SEPTIN9: variants seen among roughly 807,000 people sequenced by gnomAD.
The protein encoded by SEPTIN9 is septin-9.
In SEPTIN9, 13 loss-of-function variants were observed where a neutral mutation model predicts 56.6. The ratio of observed to expected loss-of-function variants is 0.23; its 90% CI spans 0.15 to 0.37. The LOEUF (loss-of-function observed/expected upper bound fraction) is 0.37. Ranked by LOEUF, SEPTIN9 falls within the 10% of genes least tolerant of loss-of-function variation. The pLI is 1.00. For missense variants in SEPTIN9, 650 were observed against 823.1 expected, an observed-to-expected ratio of 0.79 and a Z score of 2.57; for synonymous variants, 332 against 334.1, an observed-to-expected ratio of 0.99 and a Z score of 0.07.
intron 3 of SEPTIN9, among the ~76,000 whole-genome samples, chr17:77,455,720 C>A (rs1367988501): frequency 6.6e-6 from 1 of 152,220 alleles, no homozygotes; most frequent in East Asian, 1.9e-4. Flanking sequence ...TGTGTCTTGT[C>A]GATCCACGTC....
intron 3 of SEPTIN9, among the ~76,000 whole-genome samples, chr17:77,422,992 C>A (rs1455392481): frequency 1.3e-5 from 2 of 152,154 alleles, no homozygotes; most frequent in African/African-American, 4.8e-5. Flanking sequence ...TAAATGCCAA[C>A]ATCAGGGATC....
chr17:77,350,610 A>AGTGTGT (rs57851361), intron 2 of SEPTIN9, among the ~76,000 whole-genome samples: 8,092 of 149,466 alleles, frequency 0.054, 347 homozygotes, highest in East Asian at 0.17. Context: ...CCTCCAGTGC[A>AGTGTGT]GTGTGTGTGT....
chr17:77,475,508 G>C lies in SEPTIN9; in HGVS notation c.722-6636G>C. ...GAGCATCTGTTAGTTTATAGGACCT[G>C]AAGTGCCCCCATGGGCTCAAGTTTC... On this transcript the variant is annotated intron_variant, in intron 3 of 11. Coordinates refer to ENST00000427177, the MANE Select transcript of SEPTIN9 (RefSeq NM_001113491.2). The surrounding 1 kb of genome is among the most constrained non-coding windows in gnomAD (Gnocchi z 4.6). The C allele has an allele frequency of 1.9e-6, 3 of 1,609,498 alleles. No individual in the cohort carries two copies. The South Asian group carries it at 3.3e-5, about 18-fold the overall frequency.
rs756279358 is a variant in SEPTIN9, at chr17:77,437,966, C to T, written c.721+35263C>T. Among the ~76,000 whole-genome samples the T allele has an allele frequency of 3.9e-5, 6 of 152,310 alleles. No homozygotes were observed. Among genetic ancestry groups the T allele is most frequent in the East Asian group, 1.9e-4 (1 of 5,174 alleles). On this transcript the variant is annotated intron_variant, in intron 3 of 11. Transcript: ENST00000427177. This position sits in a 1 kb window ranked among gnomAD's most constrained non-coding sequence, Gnocchi z 5.3. ...CCCTGCACTGTGCACCCATTGAAGG[C>T]GGCATCATCCGGGCCTCTCCGGTGG...
intron 3 of SEPTIN9, among the ~76,000 whole-genome samples, chr17:77,461,036 G>A (rs1391849092): frequency 1.3e-5 from 2 of 152,156 alleles, no homozygotes; most frequent in Admixed American, 6.5e-5. Flanking sequence ...TGGGCTTGGT[G>A]GCTCACACCT....
chr17:77,394,902 T>G (rs1192937072), intron 2 of SEPTIN9, among the ~76,000 whole-genome samples: 1 of 152,200 alleles, frequency 6.6e-6, no homozygotes, highest in Non-Finnish European at 1.5e-5. Context: ...GGTGGCCCAC[T>G]GTGGCCTCTT....
At chr17:77,407,331 G>A (rs575035961) in intron 3 of SEPTIN9, among the ~76,000 whole-genome samples, 23 of 147,590 alleles carry the variant, frequency 1.6e-4, no homozygotes, top group African/African-American at 5.2e-4. Context: ...CCAAGTAAGT[G>A]ACTTGGACAT....
intron 1 of SEPTIN9, among the ~76,000 whole-genome samples, chr17:77,291,496 G>A (rs2031552773): frequency 1.3e-5 from 2 of 152,010 alleles, no homozygotes; most frequent in Admixed American, 6.5e-5. Context: ...GCTGGGCATG[G>A]TGGCACATGC....
At chr17:77,352,109 C>T (rs1235456269) in intron 2 of SEPTIN9, among the ~76,000 whole-genome samples, 1 of 152,134 alleles carries the variant, frequency 6.6e-6, no homozygotes, top group Admixed American at 6.5e-5. Context: ...TCAAAACATC[C>T]GAAATCGGCC....
rs72887167 is a variant in SEPTIN9 at position 77,467,416 on chromosome 17, C to G, written c.722-14728C>G. On this transcript the variant is annotated intron_variant, in intron 3 of 11. Transcript: ENST00000427177. The stretch of plus-strand genomic sequence containing the variant: ...TGTCTTCTGTGTTCCTGGGAGAGAC[C>G]CCAGGGGCCCTGAGCCCAGCACTGG... Among the ~76,000 whole-genome samples, 1,081 of 152,186 alleles carry G rather than the reference C, an allele frequency of 7.1e-3. 6 individuals are homozygous for G. The highest frequency in any genetic ancestry group is 0.012 in the South Asian group (59 of 4,828).
Position 77,325,066 on chromosome 17 carries a change from G to A in SEPTIN9, c.76+17869G>A, listed in dbSNP as rs112286123. On this transcript the variant is annotated intron_variant, in intron 2 of 11. Transcript: ENST00000427177. Reference sequence around the variant, plus strand: ...ACTCCTGACCTCAAGTAATCCACCCGTCTCGGCCTCCCAAAGTGCCGGAGT... The same window carrying A: ...ACTCCTGACCTCAAGTAATCCACCCATCTCGGCCTCCCAAAGTGCCGGAGT... 1.3e-3 allele frequency among the ~76,000 whole-genome samples: 194 copies of A among 152,202 alleles called. 6 individuals carry two copies. In the South Asian group the frequency reaches 0.028, roughly 22 times the overall value.
In SEPTIN9 at chr17:77,327,346, G is replaced by A. The variant is rs946301765; in HGVS notation, c.76+20149G>A. Among the ~76,000 whole-genome samples, 1 of 152,146 alleles carries A rather than the reference G, an allele frequency of 6.6e-6. No individual in the cohort carries two copies. The highest frequency in any genetic ancestry group is 1.5e-5 in the Non-Finnish European group (1 of 68,026). ...CTCTGGGCACCCCCCCACTCCGAAC[G>A]GCCAGAGCTTCTGAAGCCGCTCGCT... On this transcript the variant is annotated intron_variant, in intron 2 of 11. Transcript: ENST00000427177. This position sits in a 1 kb window ranked among gnomAD's most constrained non-coding sequence, Gnocchi z 5.0.
At chr17:77,286,828 A>C (rs983289663) in intron 1 of SEPTIN9, among the ~76,000 whole-genome samples, 9 of 152,194 alleles carry the variant, frequency 5.9e-5, no homozygotes, top group Non-Finnish European at 1.5e-5. Flanking sequence ...GGGCAGATCC[A>C]GCTGGCTTTA....
At chr17:77,394,213 C>A (rs1002413753) in intron 2 of SEPTIN9, among the ~76,000 whole-genome samples, 3 of 152,176 alleles carry the variant, frequency 2.0e-5, no homozygotes, top group African/African-American at 7.2e-5. Context: ...AGATCAGGGA[C>A]CTGTGCCAAG....
intron 3 of SEPTIN9, among the ~76,000 whole-genome samples, chr17:77,431,470 A>G (rs946840477): frequency 3.3e-5 from 5 of 152,208 alleles, no homozygotes; most frequent in Admixed American, 2.6e-4. Context: ...GTTTCCTTCT[A>G]GTCTTTTTCT....
rs2040443836 is a variant in SEPTIN9 at position 77,500,212 on chromosome 17, ACTCC to A, written c.*1560_*1563del. 2 of 231,196 alleles carry A rather than the reference ACTCC, an allele frequency of 8.7e-6. No individual in the cohort carries two copies. The highest frequency in any genetic ancestry group is 4.5e-5 in the African/African-American group (2 of 44,774). 14.3% of individuals were successfully genotyped at this position (231,196 alleles called of 1,614,324 possible). Reference sequence around the variant, plus strand: ...TGGAAGTTGGGGCACTGGGCGTCTGACTCCCTCCCCACCCAAGAGAGGAAGGACC... The same window carrying A: ...TGGAAGTTGGGGCACTGGGCGTCTGACTCCCCACCCAAGAGAGGAAGGACC... On this transcript the variant is annotated 3_prime_UTR_variant, in exon 12 of 12. Transcript: ENST00000427177.
At chr17:77,392,593 A>C (rs2035580174) in intron 2 of SEPTIN9, among the ~76,000 whole-genome samples, 1 of 151,938 alleles carries the variant, frequency 6.6e-6, no homozygotes, top group South Asian at 2.1e-4. Context: ...GGCGGGTCTT[A>C]GCTGCTAGCA....
rs376341626 is a variant in SEPTIN9 at position 77,334,294 on chromosome 17, C to T, written c.76+27097C>T. On this transcript the variant is annotated intron_variant, in intron 2 of 11. Transcript: ENST00000427177. ...AAAATTAGCCGGGCGTGGTGGCGGG[C>T]GCCTGTAGTCCCAGATAATCGGGAG... Among the ~76,000 whole-genome samples, 33 of 151,986 alleles carry T rather than the reference C, an allele frequency of 2.2e-4. No homozygotes were observed. The East Asian group carries it at 3.7e-3, about 17-fold the overall frequency.
At chr17:77,345,199 G>A (rs1476434245) in intron 2 of SEPTIN9, among the ~76,000 whole-genome samples, 2 of 152,128 alleles carry the variant, frequency 1.3e-5, no homozygotes, top group African/African-American at 2.4e-5. Context: ...GTTTAATGGG[G>A]ATAGAATTGC....
Sources: allele counts gnomAD v4.1 joint callset (sites outside exome capture counted in the v4.1 genomes callset), GRCh38; gene constraint gnomAD v4.1.1; non-coding constraint Gnocchi (gnomAD v3.1); transcripts MANE v1.5; gene names NCBI Gene and HGNC (gene_info 2026-07-23, HGNC 2026-07-21).